The following MYSM1 variants were observed in gnomAD, a reference collection of about 807,000 sequenced individuals.
The protein encoded by MYSM1 is Myb like, SWIRM and MPN domains 1.
Under a neutral mutation model 116.0 loss-of-function variants are expected in MYSM1, and 51 were observed. The ratio of observed to expected loss-of-function variants is 0.44; its 90% confidence interval spans 0.35 to 0.56. MYSM1 has a LOEUF of 0.56. Ranked by LOEUF, MYSM1 falls within the 20% of genes least tolerant of loss-of-function variation. The probability of loss-of-function intolerance (pLI) is 0.00; values close to 1 mark genes in which losing one functional copy is unlikely to be tolerated. For missense variants in MYSM1, 900 were observed against 974.9 expected, an observed-to-expected ratio of 0.92 and a Z score of 1.02; for synonymous variants, 313 against 315.2, an observed-to-expected ratio of 0.99 and a Z score of 0.07.
At chr1:58,673,208 AAC>A (rs1396982663) in intron 11 of MYSM1, among the ~76,000 whole-genome samples, 1 of 145,612 alleles carries the variant, frequency 6.9e-6, no homozygotes, top group East Asian at 2.0e-4. Context: ...ATATATTTAG[AAC>A]ACATGTGTGT....
chr1:58,661,556 C>G, intron 17 of MYSM1, 45 bp from the exon 18 acceptor site: 1 of 1,046,860 alleles, frequency 9.6e-7, no homozygotes. Flanking sequence ...TATTTCTTAA[C>G]TCTCCAATCT....
chr1:58,699,395 G>A (rs1000546395), intron 1 of MYSM1, among the ~76,000 whole-genome samples: 6 of 152,194 alleles, frequency 3.9e-5, no homozygotes, highest in African/African-American at 1.4e-4. Context: ...AATATGAGCA[G>A]TCTGAGGCTC....
chr1:58,673,246 T>C (rs933768330), intron 11 of MYSM1, among the ~76,000 whole-genome samples: 1 of 152,224 alleles, frequency 6.6e-6, no homozygotes, highest in Non-Finnish European at 1.5e-5. Flanking sequence ...TAGAACAATA[T>C]TTTAATTGGT....
chr1:58,674,695 G>T (rs571695866), intron 10 of MYSM1, among the ~76,000 whole-genome samples: 1 of 152,166 alleles, frequency 6.6e-6, no homozygotes, highest in Admixed American at 6.5e-5. Context: ...GGAGGCCAAG[G>T]CGGGCGGATC....
chr1:58,692,658 A>C (rs893500385), intron 3 of MYSM1: 4 of 420,832 alleles, frequency 9.5e-6, no homozygotes, highest in African/African-American at 8.2e-5. Flanking sequence ...CAAAATATGC[A>C]ATCAGATCTC....
chr1:58,661,368 A>G, intron 18 of MYSM1, 38 bp downstream of exon 18: 1 of 1,350,296 alleles, frequency 7.4e-7, no homozygotes, highest in Non-Finnish European at 1.1e-6. Context: ...AATGAGCAAC[A>G]CTGCAGATGT....
chr1:58,667,639 T>C (rs1171019574), intron 15 of MYSM1, among the ~76,000 whole-genome samples: 1 of 152,122 alleles, frequency 6.6e-6, no homozygotes, highest in African/African-American at 2.4e-5. Flanking sequence ...GGCCTGGCAA[T>C]GTTCTCTCGG....
chr1:58,694,839 T>G (rs11207294), intron 2 of MYSM1, among the ~76,000 whole-genome samples: 36,346 of 151,864 alleles, frequency 0.24, 4,845 homozygotes, highest in Middle Eastern at 0.36. Flanking sequence ...CACCTACCAC[T>G]TTTTTAGGTG....
intron 2 of MYSM1, among the ~76,000 whole-genome samples, chr1:58,694,733 A>G (rs1644949956): frequency 6.6e-6 from 1 of 152,074 alleles, no homozygotes; most frequent in Non-Finnish European, 1.5e-5. Context: ...CAGTGGCACA[A>G]TCAGAGCTCA....
chr1:58,698,102 A>ATATATATATATATTT, intron 1 of MYSM1, among the ~76,000 whole-genome samples: 1 of 7,776 alleles, frequency 1.3e-4, no homozygotes, highest in African/African-American at 2.6e-4. Context: ...ATATATATAT[A>ATATATATATATATTT]TTTTTTTTTT....
chr1:58,698,102 A>ATATATATATATATTTTTTTTTTTTTT, intron 1 of MYSM1, among the ~76,000 whole-genome samples: 52 of 7,760 alleles, frequency 6.7e-3, no homozygotes, highest in African/African-American at 7.5e-3. Context: ...ATATATATAT[A>ATATATATATATATTTTTTTTTTTTTT]TTTTTTTTTT....
At chr1:58,687,347 G>A (rs576383044) in intron 6 of MYSM1, among the ~76,000 whole-genome samples, 8 of 152,208 alleles carry the variant, frequency 5.3e-5, no homozygotes, top group South Asian at 2.1e-4. Context: ...CGGGCGAAGC[G>A]AACTGAAGGC....
At chr1:58,693,623 T>C (rs1644932525) in intron 2 of MYSM1, among the ~76,000 whole-genome samples, 1 of 152,136 alleles carries the variant, frequency 6.6e-6, no homozygotes, top group South Asian at 2.1e-4. Flanking sequence ...TATCAACCAG[T>C]TCTACCTCCA....
chr1:58,668,565 G>A (rs760509099), intron 14 of MYSM1, 67 bp downstream of exon 14: 38 of 1,526,134 alleles, frequency 2.5e-5, no homozygotes, highest in Non-Finnish European at 3.0e-5. Context: ...TCTGTCTTAC[G>A]CCTGCAATAA....
intron 2 of MYSM1, among the ~76,000 whole-genome samples, chr1:58,693,696 A>G (rs1644933490): frequency 6.6e-6 from 1 of 152,132 alleles, no homozygotes; most frequent in South Asian, 2.1e-4. Context: ...AGTCCCAATC[A>G]TCAAATCTTG....
chr1:58,694,530 A>T (rs1165725522), intron 2 of MYSM1, among the ~76,000 whole-genome samples: 1 of 152,090 alleles, frequency 6.6e-6, no homozygotes, highest in Admixed American at 6.6e-5. Context: ...CTGAGGCAGG[A>T]GAATCACTTG....
chr1:58,697,614 C>G (rs6656037), intron 1 of MYSM1, among the ~76,000 whole-genome samples: 1 of 149,060 alleles, frequency 6.7e-6, no homozygotes, highest in Non-Finnish European at 1.5e-5. Context: ...TTTGAGATGG[C>G]GTTTTGCTCT....
chr1:58,671,324 C>T (rs954344929), intron 12 of MYSM1, among the ~76,000 whole-genome samples: 13 of 151,904 alleles, frequency 8.6e-5, no homozygotes, highest in African/African-American at 2.9e-4. Context: ...AAGGATTACC[C>T]GAGGACATTT....
intron 12 of MYSM1, among the ~76,000 whole-genome samples, chr1:58,669,836 CAAAAAAAAAAAAAA>C (rs58828009): frequency 1.4e-4 from 2 of 14,610 alleles, no homozygotes; most frequent in African/African-American, 2.7e-4. Context: ...ACCCTGTCTC[CAAAAAAAAAAAAAA>C]AAAAAAAAAA....
Sources: gnomAD v4.1 joint callset for allele counts (sites outside exome capture counted in the v4.1 genomes callset) on GRCh38, gnomAD v4.1.1 for gene constraint, MANE v1.5 for transcripts, NCBI Gene and HGNC (gene_info 2026-07-23, HGNC 2026-07-21) for gene names.